Variants in SH3D19 observed in about 807,000 individuals in gnomAD.
SH3D19 encodes SH3 domain containing 19, also known as SH3 domain-containing protein 19.
SH3D19 carries 58 observed loss-of-function variants against 112.1 expected under a neutral mutation model. That is an observed-to-expected ratio of 0.52 (90% CI 0.42 to 0.64). The LOEUF (loss-of-function observed/expected upper bound fraction) is 0.64. Among genes scored for constraint, SH3D19 ranks in the 30% least tolerant of loss-of-function variants. The pLI is 0.00. For synonymous variants in SH3D19, 391 were observed against 448.5 expected (o/e 0.87, Z 1.62); for missense variants, 1,090 against 1,263.4 (o/e 0.86, Z 2.08).
chr4:151,249,736 T>C (rs772006391), intron 1 of SH3D19, among the ~76,000 whole-genome samples: 1 of 152,230 alleles, frequency 6.6e-6, no homozygotes, highest in Non-Finnish European at 1.5e-5. Flanking sequence ...TTTAATGCTT[T>C]GATGACTTTC....
At chr4:151,223,009 T>A (rs1768352666) in intron 2 of SH3D19, among the ~76,000 whole-genome samples, 1 of 150,338 alleles carries the variant, frequency 6.7e-6, no homozygotes, top group South Asian at 2.1e-4. Context: ...CAGCCTTTTT[T>A]TTTTTTTTTT....
chr4:151,310,795 C>G (rs1316802076), intron 1 of SH3D19, among the ~76,000 whole-genome samples: 5 of 151,576 alleles, frequency 3.3e-5, no homozygotes, highest in African/African-American at 1.2e-4. Flanking sequence ...TGGTCTCGAA[C>G]TCCTGACCTT....
intron 11 of SH3D19, among the ~76,000 whole-genome samples, 192 bp downstream of exon 11, chr4:151,147,730 T>C (rs1210662710): frequency 6.6e-6 from 1 of 152,216 alleles, no homozygotes; most frequent in Non-Finnish European, 1.5e-5. Flanking sequence ...CCCGAAGTGC[T>C]GGGATTATAG....
chr4:151,142,052 T>C (rs533056925), intron 12 of SH3D19, among the ~76,000 whole-genome samples: 5 of 152,292 alleles, frequency 3.3e-5, no homozygotes, highest in African/African-American at 1.2e-4. Flanking sequence ...ACCACTGGGG[T>C]AGGTATCTGG....
In SH3D19 at chr4:151,174,722, G is replaced by T; in HGVS notation, c.1482C>A (p.Pro494=). Residue 494 remains proline (P), a synonymous_variant, in exon 7 of 20, where the codon CCC becomes CCA. Coordinates refer to ENST00000604030, the MANE Select transcript of SH3D19 (RefSeq NM_001378122.1). ...CTTCAGCCAGGTTCCCCGATGGGGTGGGCAAAACATCATCATCAAAGCTGA... is the reference window on the plus strand; with the variant it reads ...CTTCAGCCAGGTTCCCCGATGGGGTTGGCAAAACATCATCATCAAAGCTGA... ...DLISFDDDVL[P]TPSGNLAEES... 6.6e-7 allele frequency: 1 copy of T among 1,516,224 alleles called. No individual in the cohort carries two copies. The highest frequency in any genetic ancestry group is 8.8e-7 in the Non-Finnish European group (1 of 1,134,198). 93.9% of individuals were successfully genotyped at this position (1,516,224 alleles called of 1,614,324 possible).
At chr4:151,132,945 A>G (rs1385911154) in intron 16 of SH3D19, 89 bp downstream of exon 16, 2 of 1,097,710 alleles carry the variant, frequency 1.8e-6, no homozygotes, top group Admixed American at 2.7e-5. Context: ...ATATGGCAAT[A>G]TGGATTATTA....
chr4:151,187,642 A>C (rs1018266562), intron 2 of SH3D19, among the ~76,000 whole-genome samples, 179 bp from the exon 3 acceptor site: 3 of 152,162 alleles, frequency 2.0e-5, no homozygotes, highest in Non-Finnish European at 2.9e-5. Context: ...CTTGACTTTA[A>C]TTTGTTTTAT....
intron 1 of SH3D19, among the ~76,000 whole-genome samples, chr4:151,236,308 C>A (rs368943490): frequency 6.6e-6 from 1 of 152,252 alleles, no homozygotes; most frequent in Non-Finnish European, 1.5e-5. Context: ...GCGTGGGTTC[C>A]GCGGGCCCCG....
chr4:151,140,565 T>C (rs1752810740), intron 12 of SH3D19: 1 of 152,248 alleles, frequency 6.6e-6, no homozygotes, highest in South Asian at 2.1e-4. Context: ...GAGCGACCTC[T>C]TCTTATTGAC....
At chr4:151,247,344 G>C (rs1489814618) in intron 1 of SH3D19, among the ~76,000 whole-genome samples, 1 of 152,110 alleles carries the variant, frequency 6.6e-6, no homozygotes, top group African/African-American at 2.4e-5. Flanking sequence ...TTAAAAGTTT[G>C]GTAGAATTTC....
At chr4:151,171,505 T>C (rs1458583495) in intron 7 of SH3D19, among the ~76,000 whole-genome samples, 6 of 152,174 alleles carry the variant, frequency 3.9e-5, no homozygotes, top group African/African-American at 1.4e-4. Context: ...ATTTGCAATG[T>C]TTATTCTGTC....
chr4:151,165,519 A>AT (rs1374205426), intron 8 of SH3D19, 70 bp downstream of exon 8: 1 of 1,191,270 alleles, frequency 8.4e-7, no homozygotes, highest in Admixed American at 2.0e-5. Context: ...AAAAGCAGAC[A>AT]TTGATAAATT....
intron 1 of SH3D19, among the ~76,000 whole-genome samples, chr4:151,294,908 G>A (rs920728499): frequency 3.3e-5 from 5 of 152,186 alleles, no homozygotes; most frequent in Non-Finnish European, 7.3e-5. Flanking sequence ...CTGAGGAGGT[G>A]ACATTTGATA....
intron 17 of SH3D19, among the ~76,000 whole-genome samples, chr4:151,131,183 G>C (rs564236798): frequency 6.6e-6 from 1 of 151,956 alleles, no homozygotes; most frequent in African/African-American, 2.4e-5. Context: ...GTCATATTTA[G>C]GTTGTTTCCA....
chr4:151,167,346 T>C (rs893425222), intron 7 of SH3D19, among the ~76,000 whole-genome samples: 2 of 151,858 alleles, frequency 1.3e-5, no homozygotes, highest in Non-Finnish European at 1.5e-5. Flanking sequence ...GAAATATTTG[T>C]TGTAAAAGTG....
intron 2 of SH3D19, among the ~76,000 whole-genome samples, chr4:151,217,484 C>T (rs895497212): frequency 1.6e-4 from 25 of 152,146 alleles, no homozygotes; most frequent in Non-Finnish European, 2.9e-5. Flanking sequence ...GTTTCAGTCT[C>T]TCCCTGTGCT....
At chr4:151,287,508 G>C (rs1246723639) in intron 1 of SH3D19, among the ~76,000 whole-genome samples, 1 of 152,016 alleles carries the variant, frequency 6.6e-6, no homozygotes, top group Non-Finnish European at 1.5e-5. Flanking sequence ...ATATAAAAAG[G>C]ACTATATATA....
At chr4:151,254,565 C>G in intron 1 of SH3D19, among the ~76,000 whole-genome samples, 1 of 147,314 alleles carries the variant, frequency 6.8e-6, no homozygotes, top group Admixed American at 6.8e-5. Context: ...TAACAAAGCA[C>G]ATCTTGCACC....
intron 1 of SH3D19, among the ~76,000 whole-genome samples, chr4:151,324,044 T>G (rs1266498017): frequency 2.0e-5 from 3 of 152,240 alleles, no homozygotes; most frequent in Admixed American, 6.5e-5. Context: ...GGGTTTACAC[T>G]GAACAAAATT....
Sources: allele counts gnomAD v4.1 joint callset (sites outside exome capture counted in the v4.1 genomes callset), GRCh38; gene constraint gnomAD v4.1.1; transcripts MANE v1.5; gene names NCBI Gene and HGNC (gene_info 2026-07-23, HGNC 2026-07-21).